Variants in LRP1B observed in about 807,000 individuals in gnomAD.
LRP1B encodes low-density lipoprotein receptor-related protein 1B.
A neutral mutation model predicts 556.6 loss-of-function variants in LRP1B; 217 were observed. The observed-to-expected ratio is 0.39, with a 90% CI of 0.35 to 0.44. The LOEUF (loss-of-function observed/expected upper bound fraction) is 0.44, where lower values mean the gene tolerates loss of function less well. LRP1B is among the 20% of genes least tolerant of loss of function. The probability of loss-of-function intolerance (pLI) is 1.00; values close to 1 mark genes in which losing one functional copy is unlikely to be tolerated. For synonymous variants in LRP1B, 2,047 were observed against 1,865.8 expected, an observed-to-expected ratio of 1.10 and a Z score of -2.50; for missense variants, 5,053 against 5,620.8, an observed-to-expected ratio of 0.90 and a Z score of 3.23.
chr2:140,255,619 T>C (rs1681639717), intron 86 of LRP1B, among the ~76,000 whole-genome samples: 1 of 152,186 alleles, frequency 6.6e-6, no homozygotes, highest in African/African-American at 2.4e-5. Context: ...ACTCAATAGA[T>C]ATATTTTGCT....
chr2:141,326,591 C>G (rs1005610030), intron 3 of LRP1B, among the ~76,000 whole-genome samples: 2 of 152,078 alleles, frequency 1.3e-5, no homozygotes, highest in African/African-American at 4.8e-5. Context: ...AAGACTTTGT[C>G]CCCCAGAAAC....
Position 140,519,497 on chromosome 2 carries a change from C to T in LRP1B, c.8027-2486G>A, listed in dbSNP as rs1227044906. 3.9e-5 allele frequency among the ~76,000 whole-genome samples: 6 copies of T among 152,076 alleles called. No homozygotes were observed. In the East Asian group the frequency reaches 1.2e-3, roughly 29 times the overall value. ...AAAGACTTAAATGTTAGACCTAAAA[C>T]CATAAAAACCCTAGAAGAAAACCTC... On this transcript the variant is annotated intron_variant, in intron 49 of 90. Transcript: ENST00000389484.
At chr2:140,412,268 A>G (rs1001925555) in intron 66 of LRP1B, among the ~76,000 whole-genome samples, 1 of 152,132 alleles carries the variant, frequency 6.6e-6, no homozygotes, top group African/African-American at 2.4e-5. Flanking sequence ...GAATAATTTC[A>G]TTGGTAATAA....
intron 82 of LRP1B, among the ~76,000 whole-genome samples, chr2:140,321,117 G>T (rs1680094321): frequency 6.6e-6 from 1 of 151,934 alleles, no homozygotes; most frequent in Non-Finnish European, 1.5e-5. Flanking sequence ...TTTTCTTTTA[G>T]TAACAATATT....
At chr2:140,919,037 G>A (rs537472619) in intron 21 of LRP1B, among the ~76,000 whole-genome samples, 1 of 151,776 alleles carries the variant, frequency 6.6e-6, no homozygotes, top group South Asian at 2.1e-4. Context: ...TTCTTTTCGA[G>A]GGTCTCAACA....
At chr2:141,822,521 C>A (rs948632807) in intron 1 of LRP1B, among the ~76,000 whole-genome samples, 57 of 152,028 alleles carry the variant, frequency 3.7e-4, no homozygotes, top group Non-Finnish European at 3.2e-4. Flanking sequence ...CATGGGATAC[C>A]AAAATTCACA....
chr2:142,032,524 A>C (rs1198327652), intron 1 of LRP1B, among the ~76,000 whole-genome samples: 3 of 151,798 alleles, frequency 2.0e-5, no homozygotes, highest in African/African-American at 7.3e-5. Flanking sequence ...TTACCTACGG[A>C]ACTTATTACC....
intron 3 of LRP1B, among the ~76,000 whole-genome samples, chr2:141,294,982 C>A (rs1025369386): frequency 6.6e-6 from 1 of 151,856 alleles, no homozygotes; most frequent in African/African-American, 2.4e-5. Context: ...CCACACTTTT[C>A]TATTGCTTTA....
At chr2:140,390,120 ACT>A (rs1683950783) in intron 66 of LRP1B, among the ~76,000 whole-genome samples, 1 of 151,942 alleles carries the variant, frequency 6.6e-6, no homozygotes, top group Admixed American at 6.6e-5. Context: ...CAAGAGTGAG[ACT>A]CTATGTAAAA....
chr2:141,483,204 C>T (rs1437299708), intron 2 of LRP1B, among the ~76,000 whole-genome samples: 4 of 147,338 alleles, frequency 2.7e-5, no homozygotes, highest in South Asian at 2.2e-4. Flanking sequence ...TGAGTGAGAA[C>T]ATGCGGTGTT....
chr2:141,326,943 C>T (rs915134109), intron 3 of LRP1B, among the ~76,000 whole-genome samples: 7 of 152,046 alleles, frequency 4.6e-5, no homozygotes, highest in South Asian at 2.1e-4. Context: ...GGAAATATCA[C>T]GGCAGCAGGA....
intron 18 of LRP1B, among the ~76,000 whole-genome samples, chr2:140,960,931 A>C (rs952717272): frequency 5.9e-5 from 9 of 151,970 alleles, no homozygotes; most frequent in African/African-American, 1.2e-4. Flanking sequence ...CTTACAGAAT[A>C]AGATCAGCCT....
chr2:140,975,489 T>TGAGAGAAAAATAGGGAGTAACA (rs70991130), intron 18 of LRP1B, among the ~76,000 whole-genome samples: 1 of 151,650 alleles, frequency 6.6e-6, no homozygotes, highest in Non-Finnish European at 1.5e-5. Context: ...TAAAGTTATA[T>TGAGAGAAAAATAGGGAGTAACA]AAGCAGGACA....
chr2:140,966,647 CT>C (rs1350012166), intron 18 of LRP1B, among the ~76,000 whole-genome samples: 1 of 152,084 alleles, frequency 6.6e-6, no homozygotes, highest in Non-Finnish European at 1.5e-5. Context: ...TATTGCCTAG[CT>C]TTTCTTCTAG....
intron 87 of LRP1B, among the ~76,000 whole-genome samples, chr2:140,245,402 A>T (rs184025038): frequency 1.3e-5 from 2 of 151,368 alleles, no homozygotes; most frequent in Non-Finnish European, 3.0e-5. Flanking sequence ...AAAATTTCCA[A>T]ATTTCATACA....
chr2:141,890,932 C>T (rs938078629), intron 1 of LRP1B, among the ~76,000 whole-genome samples: 3 of 152,096 alleles, frequency 2.0e-5, no homozygotes, highest in African/African-American at 7.2e-5. Flanking sequence ...CAAGCAACCC[C>T]ATAACCTTGC....
chr2:141,769,263 A>G (rs1343219336), intron 2 of LRP1B, among the ~76,000 whole-genome samples: 4 of 152,218 alleles, frequency 2.6e-5, no homozygotes, highest in Non-Finnish European at 1.5e-5. Flanking sequence ...ATAGAGGGGT[A>G]TCAGTCTGCT....
chr2:141,454,921 G>A (rs906000756), intron 3 of LRP1B, among the ~76,000 whole-genome samples: 1 of 152,070 alleles, frequency 6.6e-6, no homozygotes, highest in Non-Finnish European at 1.5e-5. Flanking sequence ...TTCTCTTCTG[G>A]CATCTCTTTT....
chr2:140,827,398 C>A (rs968855533), intron 31 of LRP1B, among the ~76,000 whole-genome samples: 2 of 151,914 alleles, frequency 1.3e-5, no homozygotes, highest in Non-Finnish European at 1.5e-5. Context: ...AGAAACTTAT[C>A]AGAGAAAGTA....
Sources: allele counts gnomAD v4.1 joint callset (sites outside exome capture counted in the v4.1 genomes callset), GRCh38; gene constraint gnomAD v4.1.1; transcripts MANE v1.5; gene names NCBI Gene and HGNC (gene_info 2026-07-23, HGNC 2026-07-21).